The following COPG2 variants were observed in gnomAD, a reference collection of about 807,000 sequenced individuals.
COPG2 encodes coatomer subunit gamma-2.
COPG2 carries 37 observed loss-of-function variants against 46.3 expected under a neutral mutation model. The observed-to-expected ratio is 0.80, with a 90% CI of 0.61 to 1.05. The LOEUF is 1.05. COPG2 is among the 50% of genes least tolerant of loss of function. The pLI is 0.00. For missense variants in COPG2, 427 were observed against 387.8 expected (o/e 1.10, Z -0.85); for synonymous variants, 159 against 129.7 (o/e 1.23, Z -1.53).
At chr7:130,583,577 C>A (rs1225093228) in intron 9 of COPG2, among the ~76,000 whole-genome samples, 1 of 142,106 alleles carries the variant, frequency 7.0e-6, no homozygotes, top group South Asian at 2.3e-4. Flanking sequence ...GAGGCTGAGG[C>A]GGGTGGATCA....
intron 12 of COPG2, among the ~76,000 whole-genome samples, chr7:130,555,625 G>A (rs901237496): frequency 1.3e-5 from 2 of 152,072 alleles, no homozygotes; most frequent in East Asian, 1.9e-4. Context: ...TCAGGAGTTC[G>A]AGACCAGCCT....
intron 3 of COPG2, among the ~76,000 whole-genome samples, chr7:130,665,148 T>C (rs1554461245): frequency 6.6e-6 from 1 of 152,134 alleles, no homozygotes; most frequent in Non-Finnish European, 1.5e-5. Flanking sequence ...GCCACTGCAC[T>C]CCAGCCTGGT....
At chr7:130,648,580 T>C (rs929560096) in intron 5 of COPG2, among the ~76,000 whole-genome samples, 3 of 152,172 alleles carry the variant, frequency 2.0e-5, no homozygotes, top group Non-Finnish European at 2.9e-5. Flanking sequence ...AGAAATCCCC[T>C]GCTCCCAAAA....
intron 12 of COPG2, among the ~76,000 whole-genome samples, chr7:130,560,283 A>C (rs1793697640): frequency 6.6e-6 from 1 of 152,196 alleles, no homozygotes; most frequent in Non-Finnish European, 1.5e-5. Context: ...TATAAATTTA[A>C]CAACAGATTT....
chr7:130,533,275 C>A lies in COPG2; in HGVS notation c.2149+14399G>T, dbSNP rs918366232. Among the ~76,000 whole-genome samples, 62 of 149,988 alleles carry A rather than the reference C, an allele frequency of 4.1e-4. 2 individuals are homozygous for A. In the South Asian group the frequency reaches 0.012, roughly 30 times the overall value. On this transcript the variant is annotated intron_variant, in intron 20 of 23. Transcript: ENST00000425248. ...CAAAATATTCACAAGGAGAAAGAGA[C>A]AGCCTGAAGCTCTAAGGTGTAGGGG...
At chr7:130,565,863 A>T (rs1013641543) in intron 9 of COPG2, among the ~76,000 whole-genome samples, 3 of 152,132 alleles carry the variant, frequency 2.0e-5, no homozygotes, top group Non-Finnish European at 2.9e-5. Flanking sequence ...GAATAAGAAA[A>T]CTTGTAGATC....
At chr7:130,641,168 T>C (rs1466569054) in intron 5 of COPG2, among the ~76,000 whole-genome samples, 1 of 90,688 alleles carries the variant, frequency 1.1e-5, no homozygotes, top group Non-Finnish European at 2.2e-5. Flanking sequence ...AGCAAGACCC[T>C]ACCTCTCAAA....
At chr7:130,530,186 A>G (rs1799810778) in intron 20 of COPG2, among the ~76,000 whole-genome samples, 1 of 152,126 alleles carries the variant, frequency 6.6e-6, no homozygotes, top group African/African-American at 2.4e-5. Context: ...TAGTGAGGGT[A>G]GTGTGGCTAA....
intron 16 of COPG2, 146 bp from the exon 17 acceptor site, chr7:130,550,795 G>A (rs1308687769): frequency 8.2e-6 from 3 of 367,482 alleles, no homozygotes; most frequent in African/African-American, 6.3e-5. Flanking sequence ...TAAAAATAAA[G>A]GATATTCTTG....
At chr7:130,621,529 G>T (rs1795037923) in intron 5 of COPG2, among the ~76,000 whole-genome samples, 1 of 152,172 alleles carries the variant, frequency 6.6e-6, no homozygotes, top group South Asian at 2.1e-4. Flanking sequence ...TTTATTTACA[G>T]CTGGGCACGG....
chr7:130,575,556 C>T (rs1435830752), intron 9 of COPG2, among the ~76,000 whole-genome samples: 1 of 152,092 alleles, frequency 6.6e-6, no homozygotes, highest in Non-Finnish European at 1.5e-5. Context: ...AAAAGGAGCC[C>T]TATATCCTGA....
At chr7:130,666,138 C>A (rs1272622587) in intron 3 of COPG2, among the ~76,000 whole-genome samples, 6 of 152,144 alleles carry the variant, frequency 3.9e-5, no homozygotes, top group Non-Finnish European at 8.8e-5. Flanking sequence ...GACATCAAGG[C>A]ACATAAAATG....
chr7:130,537,191 TC>T (rs1285191325), intron 20 of COPG2, among the ~76,000 whole-genome samples: 3 of 151,976 alleles, frequency 2.0e-5, no homozygotes, highest in Non-Finnish European at 4.4e-5. Context: ...AGGCAGAGGC[TC>T]CCCAGAGTGT....
chr7:130,645,377 C>A, intron 5 of COPG2: 2 of 546,008 alleles, frequency 3.7e-6, no homozygotes, highest in Non-Finnish European at 3.7e-6. Context: ...AGACATCTGC[C>A]CTCCAGGACC....
chr7:130,663,974 C>T (rs2116269216), intron 3 of COPG2, among the ~76,000 whole-genome samples: 1 of 151,942 alleles, frequency 6.6e-6, no homozygotes, highest in South Asian at 2.1e-4. Context: ...CTCCTGACCT[C>T]GTGATCCACC....
intron 9 of COPG2, among the ~76,000 whole-genome samples, chr7:130,565,247 C>A (rs1793784501): frequency 6.6e-6 from 1 of 152,162 alleles, no homozygotes; most frequent in East Asian, 1.9e-4. Flanking sequence ...GGAAAGCACG[C>A]CCCAACATAC....
intron 14 of COPG2, 80 bp from the exon 15 acceptor site, chr7:130,552,510 A>T (rs1024517181): frequency 1.5e-5 from 6 of 397,216 alleles, no homozygotes; most frequent in Non-Finnish European, 2.7e-5. Context: ...AAAAATTAGA[A>T]AAGTGTCCCC....
intron 4 of COPG2, among the ~76,000 whole-genome samples, chr7:130,658,622 C>T (rs1246438731): frequency 6.6e-6 from 1 of 151,778 alleles, no homozygotes; most frequent in Non-Finnish European, 1.5e-5. Flanking sequence ...AAACATCTGT[C>T]TGATAAAGGA....
chr7:130,513,301 AAAAAAAAATAT>A (rs1173928923), intron 20 of COPG2, among the ~76,000 whole-genome samples: 1 of 45,030 alleles, frequency 2.2e-5, no homozygotes, highest in African/African-American at 1.1e-4. Flanking sequence ...AAAAAAAAAA[AAAAAAAAATAT>A]ATATATATAT....
Sources: allele counts gnomAD v4.1 joint callset (sites outside exome capture counted in the v4.1 genomes callset), GRCh38; gene constraint gnomAD v4.1.1; transcripts MANE v1.5; gene names NCBI Gene and HGNC (gene_info 2026-07-23, HGNC 2026-07-21).